The following CHEK2 variants were observed in gnomAD, a reference collection of about 807,000 sequenced individuals.
CHEK2 encodes checkpoint kinase 2.
Under a neutral mutation model 69.1 loss-of-function variants are expected in CHEK2, and 71 were observed. The ratio of observed to expected loss-of-function variants is 1.03; its 90% CI spans 0.85 to 1.25. The LOEUF (loss-of-function observed/expected upper bound fraction) is 1.25. CHEK2 is among the 50% of genes most tolerant of loss of function. The pLI, the probability that CHEK2 is intolerant of heterozygous loss-of-function variation, is 0.00. For synonymous variants in CHEK2, 189 were observed against 226.9 expected, an observed-to-expected ratio of 0.83 and a Z score of 1.50; for missense variants, 664 against 649.6, an observed-to-expected ratio of 1.02 and a Z score of -0.24.
rs587780194 is a variant in CHEK2, at chr22:28,699,866, T to C, written c.980A>G (p.Tyr327Cys). The change falls in exon 9 of 15, where the codon TAT becomes TGT. Residue 327 changes from tyrosine to cysteine, a missense_variant. By Grantham distance (194) the Tyr-to-Cys change is radical (BLOSUM62 -2). Coordinates refer to ENST00000404276, the MANE Select transcript of CHEK2 (RefSeq NM_007194.4). The stretch of plus-strand genomic sequence containing the variant: ...CACAGCCAAGAGCATCTGGTAAAAA[T>C]AGAGCTTGCAGGTAGCTTCTTTCAG... ...KRLKEATCKLYFYQMLLAVQY... is the reference protein window; with the variant it reads ...KRLKEATCKLCFYQMLLAVQY... 29 of 1,613,830 alleles carry C rather than the reference T, an allele frequency of 1.8e-5. No individual in the cohort carries two copies. The highest frequency in any genetic ancestry group is 4.5e-5 in the East Asian group (2 of 44,884).
At chr22:28,738,512 G>A (rs533971190) in intron 1 of CHEK2, among the ~76,000 whole-genome samples, 1 of 152,316 alleles carries the variant, frequency 6.6e-6, no homozygotes, top group Admixed American at 6.5e-5. Flanking sequence ...GACAGACCAT[G>A]AGGATTAAGT....
Position 28,741,790 on chromosome 22 carries a change from G to T in CHEK2, c.-28C>A, listed in dbSNP as rs1057520952. On this transcript the variant is annotated 5_prime_UTR_variant, in exon 1 of 15. Transcript: ENST00000404276. ...TCACCGCGTGAGCCCACCTGGAGCCGCACACTCTCCGCAGCCTCAGCCAGC... is the reference window on the plus strand; with the variant it reads ...TCACCGCGTGAGCCCACCTGGAGCCTCACACTCTCCGCAGCCTCAGCCAGC... 2 of 482,340 alleles carry T rather than the reference G, an allele frequency of 4.1e-6. No homozygotes were observed. The highest frequency in any genetic ancestry group is 3.8e-5 in the East Asian group (1 of 26,412). The allele number at this position is 482,340 out of a possible 1,614,324, so 29.9% of individuals were successfully genotyped here. A position where few individuals can be genotyped will look rare whatever the true frequency, so the allele number is the denominator to read the frequency against.
chr22:28,718,923 G>C (rs536671302), intron 5 of CHEK2, among the ~76,000 whole-genome samples: 33 of 108,740 alleles, frequency 3.0e-4, no homozygotes, highest in Admixed American at 1.2e-3. Flanking sequence ...CACACACACA[G>C]GAAATAAAAA....
At chr22:28,734,822 AAAG>A in intron 1 of CHEK2, 95 bp from the exon 2 acceptor site, 4 of 950,386 alleles carry the variant, frequency 4.2e-6, no homozygotes, top group Non-Finnish European at 6.2e-6. Flanking sequence ...CAGCAAAAGA[AAAG>A]AAAAAAAAAA....
At chr22:28,725,145 T>C (rs1315144493) in intron 3 of CHEK2, 21 bp from the exon 4 acceptor site, 3 of 1,613,970 alleles carry the variant, frequency 1.9e-6, no homozygotes, top group South Asian at 2.2e-5. Context: ...GAACATTTTG[T>C]TTCAGACTTT....
chr22:28,699,653 C>T (rs893795490), intron 9 of CHEK2, 185 bp downstream of exon 9: 28 of 617,100 alleles, frequency 4.5e-5, no homozygotes, highest in African/African-American at 3.3e-4. Flanking sequence ...TGAACCACCG[C>T]GCCTCGCCAG....
intron 8 of CHEK2, among the ~76,000 whole-genome samples, chr22:28,701,081 G>A (rs908575703): frequency 6.6e-6 from 1 of 151,412 alleles, no homozygotes; most frequent in African/African-American, 2.4e-5. Context: ...GAGCCACCGT[G>A]CCCGGCTCTG....
intron 8 of CHEK2, among the ~76,000 whole-genome samples, chr22:28,702,654 C>G (rs1231037178): frequency 6.6e-6 from 1 of 150,806 alleles, no homozygotes; most frequent in African/African-American, 2.4e-5. Flanking sequence ...TCAAGCTATT[C>G]TCCTGCTTCA....
chr22:28,698,025 C>T (rs969731509), intron 9 of CHEK2, among the ~76,000 whole-genome samples: 1 of 151,758 alleles, frequency 6.6e-6, no homozygotes, highest in Admixed American at 6.6e-5. Context: ...AAAGGGCTTG[C>T]GTTGTACCCC....
Position 28,704,125 on chromosome 22 carries a change from C to G in CHEK2, c.847-559G>C, listed in dbSNP as rs12157555. 5.7e-3 allele frequency among the ~76,000 whole-genome samples: 221 copies of G among 38,982 alleles called. 1 individual carries two copies. The highest frequency in any genetic ancestry group is 0.012 in the African/African-American group (196 of 16,120). The allele number at this position is 38,982 out of a possible 152,430, so 25.6% of individuals were successfully genotyped here. ...GGGCAGAGAGAGAGACAGACAGACA[C>G]ACACACACACACACACACACACACA... On this transcript the variant is annotated intron_variant, in intron 7 of 14. Transcript: ENST00000404276.
chr22:28,724,247 A>T (rs893550663), intron 4 of CHEK2, among the ~76,000 whole-genome samples: 1 of 152,098 alleles, frequency 6.6e-6, no homozygotes, highest in Non-Finnish European at 1.5e-5. Context: ...CTCTACTAAA[A>T]GTACAAAAAA....
chr22:28,727,941 G>T (rs941041627), intron 2 of CHEK2: 4 of 152,150 alleles, frequency 2.6e-5, no homozygotes, highest in Admixed American at 2.6e-4. Context: ...GTCTATAATT[G>T]TCTAGGGAGG....
intron 5 of CHEK2, among the ~76,000 whole-genome samples, chr22:28,713,366 T>TC (rs2145963908): frequency 6.6e-6 from 1 of 151,720 alleles, no homozygotes; most frequent in East Asian, 1.9e-4. Flanking sequence ...AGTTTTCTTT[T>TC]TTTTTTTTTT....
chr22:28,704,590 C>T (rs182782168), intron 7 of CHEK2, among the ~76,000 whole-genome samples: 12 of 152,262 alleles, frequency 7.9e-5, no homozygotes, highest in African/African-American at 2.9e-4. Flanking sequence ...ACCTCAGCCT[C>T]CCAAAGTGTT....
At chr22:28,739,464 C>A (rs1234876486) in intron 1 of CHEK2, among the ~76,000 whole-genome samples, 3 of 151,746 alleles carry the variant, frequency 2.0e-5, no homozygotes, top group Admixed American at 2.0e-4. Flanking sequence ...CGGAGGCGGG[C>A]AGATCACTTG....
At chr22:28,706,658 T>G (rs1490079963) in intron 7 of CHEK2, among the ~76,000 whole-genome samples, 1 of 151,886 alleles carries the variant, frequency 6.6e-6, no homozygotes, top group East Asian at 1.9e-4. Flanking sequence ...GTGGCTCACG[T>G]CTGTAATCCC....
At chr22:28,711,096 A>T (rs1430347220) in intron 6 of CHEK2, among the ~76,000 whole-genome samples, 1 of 152,230 alleles carries the variant, frequency 6.6e-6, no homozygotes, top group African/African-American at 2.4e-5. Context: ...ACAGCTGGCC[A>T]CTAGGGAAAA....
At chr22:28,727,040 C>G (rs986334571) in intron 2 of CHEK2, among the ~76,000 whole-genome samples, 1 of 151,850 alleles carries the variant, frequency 6.6e-6, no homozygotes, top group African/African-American at 2.4e-5. Flanking sequence ...CTATCATCTC[C>G]CACTCAGCTT....
At chr22:28,712,912 A>G (rs1393632011) in intron 5 of CHEK2, among the ~76,000 whole-genome samples, 6 of 152,178 alleles carry the variant, frequency 3.9e-5, no homozygotes, top group Non-Finnish European at 5.9e-5. Context: ...CTAATTCCAG[A>G]ACTTTCTCAT....
Sources: allele counts gnomAD v4.1 joint callset (sites outside exome capture counted in the v4.1 genomes callset), GRCh38; gene constraint gnomAD v4.1.1; transcripts MANE v1.5; gene names NCBI Gene and HGNC (gene_info 2026-07-23, HGNC 2026-07-21).